RBFOX1: variants seen among roughly 807,000 people sequenced by gnomAD.
RBFOX1 encodes RNA binding fox-1 homolog 1.
A neutral mutation model predicts 57.7 loss-of-function variants in RBFOX1; 8 were observed. That is an observed-to-expected ratio of 0.14 (90% confidence interval 0.08 to 0.25). RBFOX1 has a LOEUF of 0.25. Among genes scored for constraint, RBFOX1 ranks in the 10% least tolerant of loss-of-function variants. The probability of loss-of-function intolerance (pLI) is 1.00; values close to 1 mark genes in which losing one functional copy is unlikely to be tolerated. For missense variants in RBFOX1, 611 were observed against 548.5 expected (o/e 1.11, Z -1.14); for synonymous variants, 326 against 222.4 (o/e 1.47, Z -4.15).
intron 3 of RBFOX1, among the ~76,000 whole-genome samples, chr16:5,783,778 A>G (rs902359685): frequency 1.3e-5 from 2 of 152,134 alleles, no homozygotes; most frequent in African/African-American, 4.8e-5. Flanking sequence ...AAGAGGCAGG[A>G]TAGTATAGGT....
chr16:7,665,182 C>G (rs529226006), intron 13 of RBFOX1, among the ~76,000 whole-genome samples: 1 of 152,052 alleles, frequency 6.6e-6, no homozygotes, highest in African/African-American at 2.4e-5. Flanking sequence ...ATTAACCCCT[C>G]GATCAACTTC....
intron 4 of RBFOX1, among the ~76,000 whole-genome samples, chr16:5,870,510 G>T (rs1898225): frequency 0.12 from 17,928 of 151,940 alleles, 1,126 homozygotes; most frequent in East Asian, 0.18. Context: ...GAATTAGGAA[G>T]TGTAGGAATG....
chr16:6,216,780 T>C (rs1185884796), intron 1 of RBFOX1, among the ~76,000 whole-genome samples: 1 of 152,232 alleles, frequency 6.6e-6, no homozygotes, highest in Non-Finnish European at 1.5e-5. Flanking sequence ...GCAAATTCTT[T>C]TATTTCTCAC....
chr16:5,810,586 GT>G (rs1238495196), intron 3 of RBFOX1, among the ~76,000 whole-genome samples: 1 of 152,116 alleles, frequency 6.6e-6, no homozygotes, highest in Non-Finnish European at 1.5e-5. Context: ...CATCACCTCC[GT>G]AATTTGAGTG....
intron 1 of RBFOX1, among the ~76,000 whole-genome samples, chr16:6,076,844 G>A (rs1179682982): frequency 6.6e-6 from 1 of 152,126 alleles, no homozygotes; most frequent in Non-Finnish European, 1.5e-5. Context: ...GCCAAAAACG[G>A]GAGCAGAAAC....
chr16:7,423,643 G>T (rs1470484508), intron 4 of RBFOX1, among the ~76,000 whole-genome samples: 1 of 152,152 alleles, frequency 6.6e-6, no homozygotes, highest in East Asian at 1.9e-4. Context: ...AGCTTGTGCT[G>T]TTTATATGGT....
At chr16:7,132,776 T>C (rs1016224162) in intron 4 of RBFOX1, among the ~76,000 whole-genome samples, 1 of 152,022 alleles carries the variant, frequency 6.6e-6, no homozygotes, top group Non-Finnish European at 1.5e-5. Context: ...CTATTTCAAA[T>C]ACTGAAACTC....
At chr16:7,608,366 T>C (rs918293055) in intron 10 of RBFOX1, among the ~76,000 whole-genome samples, 5 of 152,248 alleles carry the variant, frequency 3.3e-5, no homozygotes, top group African/African-American at 1.2e-4. Context: ...GTTAAAAATC[T>C]GGTAAATCTG....
intron 2 of RBFOX1, among the ~76,000 whole-genome samples, chr16:6,412,030 G>T (rs2093472886): frequency 6.6e-6 from 1 of 151,912 alleles, no homozygotes; most frequent in South Asian, 2.1e-4. Context: ...CACTCAGGAG[G>T]CTGAGGCAGG....
intron 4 of RBFOX1, among the ~76,000 whole-genome samples, chr16:7,244,602 T>C (rs1480520645): frequency 1.3e-5 from 2 of 152,236 alleles, no homozygotes; most frequent in South Asian, 2.1e-4. Flanking sequence ...ACAATGGGGT[T>C]GGCCTAGGGC....
intron 3 of RBFOX1, among the ~76,000 whole-genome samples, chr16:7,022,138 C>T (rs941613105): frequency 6.8e-6 from 1 of 147,578 alleles, no homozygotes; most frequent in South Asian, 2.2e-4. Context: ...TCTCCACTCA[C>T]TGCAACCTCT....
intron 5 of RBFOX1, among the ~76,000 whole-genome samples, chr16:7,527,765 C>G (rs962235153): frequency 2.0e-4 from 30 of 152,272 alleles, no homozygotes; most frequent in African/African-American, 7.0e-4. Flanking sequence ...AGTAAACATT[C>G]TACCAGATCG....
At chr16:7,559,803 G>T (rs2089871283) in intron 5 of RBFOX1, among the ~76,000 whole-genome samples, 1 of 152,138 alleles carries the variant, frequency 6.6e-6, no homozygotes, top group African/African-American at 2.4e-5. Flanking sequence ...TTCTCAATCA[G>T]TATTCTTTGA....
intron 1 of RBFOX1, among the ~76,000 whole-genome samples, chr16:6,270,520 T>A (rs941591134): frequency 1.3e-5 from 2 of 148,852 alleles, no homozygotes; most frequent in African/African-American, 4.9e-5. Flanking sequence ...TGATACAGTG[T>A]CAGTCCAACA....
At chr16:6,715,665 C>G (rs1174097627) in intron 3 of RBFOX1, among the ~76,000 whole-genome samples, 1 of 152,198 alleles carries the variant, frequency 6.6e-6, no homozygotes, top group Non-Finnish European at 1.5e-5. Flanking sequence ...CTTGGAAAAC[C>G]CATTTCTTGA....
At chr16:6,189,458 G>T (rs1210019991) in intron 1 of RBFOX1, among the ~76,000 whole-genome samples, 1 of 152,156 alleles carries the variant, frequency 6.6e-6, no homozygotes, top group Non-Finnish European at 1.5e-5. Context: ...TTGGGTTGCC[G>T]GGGCTAATTG....
chr16:6,966,745 CTCTA>C lies in RBFOX1; in HGVS notation c.-15-85308_-15-85305del, dbSNP rs1356206241. Reference sequence around the variant, plus strand: ...GAGAAGTCACTGTAACTCTGCCTGCCTCTATCTGTCTGTCTGTCTATCTATCTAT... The same window carrying C: ...GAGAAGTCACTGTAACTCTGCCTGCCTCTGTCTGTCTGTCTATCTATCTAT... On this transcript the variant is annotated intron_variant, in intron 3 of 15. Transcript: ENST00000550418. 3.3e-3 allele frequency among the ~76,000 whole-genome samples: 498 copies of C among 150,992 alleles called. 3 individuals carry two copies. Among genetic ancestry groups the C allele is most frequent in the African/African-American group, 0.011 (458 of 40,702 alleles).
At chr16:6,949,487 T>C (rs1049528169) in intron 3 of RBFOX1, among the ~76,000 whole-genome samples, 3 of 152,188 alleles carry the variant, frequency 2.0e-5, no homozygotes, top group African/African-American at 7.2e-5. Flanking sequence ...AGGCTGGAAA[T>C]CTAAAGCCAG....
In RBFOX1 at chr16:6,328,974, C is replaced by A. The variant is rs559211708; in HGVS notation, c.-64+11917C>A. 5.3e-5 allele frequency among the ~76,000 whole-genome samples: 8 copies of A among 152,174 alleles called. No individual in the cohort carries two copies. In the East Asian group the frequency reaches 1.5e-3, roughly 29 times the overall value. On this transcript the variant is annotated intron_variant, in intron 2 of 15. Transcript: ENST00000550418. ...CAGATGTCTATGTGAAAGAAAGAGT[C>A]CCTAGGAAATCAGCAGCTGGTTCTG...
Sources: gnomAD v4.1 joint callset for allele counts (sites outside exome capture counted in the v4.1 genomes callset) on GRCh38, gnomAD v4.1.1 for gene constraint, MANE v1.5 for transcripts, NCBI Gene and HGNC (gene_info 2026-07-23, HGNC 2026-07-21) for gene names.